The following STS variants were observed in gnomAD, a reference collection of about 807,000 sequenced individuals.
STS encodes the protein steroid sulfatase, also known as steryl-sulfatase.
STS carries 7 observed loss-of-function variants against 26.8 expected under a neutral mutation model. That is an observed-to-expected ratio of 0.26 (90% CI 0.15 to 0.49). The LOEUF is 0.49. Ranked by LOEUF, STS falls within the 20% of genes least tolerant of loss-of-function variation. The pLI, the probability that STS is intolerant of heterozygous loss-of-function variation, is 0.98. For synonymous variants in STS, 199 were observed against 189.4 expected, an observed-to-expected ratio of 1.05 and a Z score of -0.42; for missense variants, 434 against 465.6, an observed-to-expected ratio of 0.93 and a Z score of 0.63.
At chrX:7,323,226 T>C in intron 8 of STS, among the ~76,000 whole-genome samples, 1 of 104,121 alleles carries the variant, frequency 9.6e-6, no homozygotes, top group African/African-American at 3.5e-5. Context: ...AAACAACATG[T>C]TTTTTTTTTT....
chrX:7,305,012 C>T (rs780807042), intron 7 of STS, 34 bp from the exon 8 acceptor site: 2 of 1,206,711 alleles, frequency 1.7e-6, no homozygotes, highest in Non-Finnish European at 2.2e-6. Context: ...TATGAATATG[C>T]ATTATTTTTA....
intron 9 of STS, among the ~76,000 whole-genome samples, chrX:7,327,615 G>A (rs1188866396): frequency 1.8e-5 from 2 of 110,365 alleles, no homozygotes; most frequent in African/African-American, 6.6e-5. Flanking sequence ...GAAGTCTTGA[G>A]CTCAAGAAAT....
At chrX:7,157,863 G>C (rs1933166066) in intron 1 of STS, among the ~76,000 whole-genome samples, 2 of 111,144 alleles carry the variant, frequency 1.8e-5, no homozygotes, top group Non-Finnish European at 3.8e-5. Flanking sequence ...AATTATTCTG[G>C]GAAATATTTA....
chrX:7,242,591 C>A (rs1922675694), intron 2 of STS, among the ~76,000 whole-genome samples: 1 of 110,002 alleles, frequency 9.1e-6, no homozygotes, highest in South Asian at 4.0e-4. Context: ...AACAGTGAGA[C>A]CCTGTCTCAA....
At chrX:7,248,534 T>C (rs1040378913) in intron 2 of STS, among the ~76,000 whole-genome samples, 2 of 112,250 alleles carry the variant, frequency 1.8e-5, no homozygotes, top group South Asian at 3.7e-4. Context: ...GCTGAACAAG[T>C]ATACTGTGGT....
Position 7,259,496 on chromosome X carries a change from T to G in STS, c.530T>G (p.Phe177Cys). Reference sequence around the variant, plus strand: ...GAGGGCAGTGTCTTCACCACGGGCTTCAAGAGGCTGGTCTTCCTCCCCCTG... The same window carrying G: ...GAGGGCAGTGTCTTCACCACGGGCTGCAAGAGGCTGGTCTTCCTCCCCCTG... ...PGEGSVFTTGFKRLVFLPLQI... is the reference protein window; with the variant it reads ...PGEGSVFTTGCKRLVFLPLQI... The change falls in exon 6 of 11, where the codon TTC becomes TGC. Residue 177 changes from phenylalanine (F) to cysteine (C), a missense_variant. Phe to Cys is a radical substitution (Grantham distance 205). Transcript: ENST00000674429. The G allele has an allele frequency of 8.3e-7, 1 of 1,211,710 alleles. No homozygotes were observed. The highest frequency in any genetic ancestry group is 1.1e-6 in the Non-Finnish European group (1 of 895,432).
In STS at chrX:7,305,534, T is replaced by A. The variant is rs1404490798; in HGVS notation, c.1081+351T>A. ...CAAACTTATGGGCTTAAAACAAATTTATGAACTTACAGTTCTAGAAGTCAG... is the reference window on the plus strand; with the variant it reads ...CAAACTTATGGGCTTAAAACAAATTAATGAACTTACAGTTCTAGAAGTCAG... On this transcript the variant is annotated intron_variant, in intron 8 of 10. Coordinates refer to ENST00000674429, the MANE Select transcript of STS (RefSeq NM_001320752.2). Among the ~76,000 whole-genome samples the A allele has an allele frequency of 5.3e-5, 6 of 112,419 alleles. No individual in the cohort carries two copies. In the South Asian group the frequency reaches 2.2e-3, roughly 42 times the overall value.
chrX:7,266,184 TA>T (rs1375196765), intron 6 of STS, among the ~76,000 whole-genome samples: 4 of 111,692 alleles, frequency 3.6e-5, no homozygotes, highest in African/African-American at 9.8e-5. Flanking sequence ...CATATATATA[TA>T]TATTTGTACA....
At chrX:7,221,491 C>G (rs1424015129) in intron 2 of STS, among the ~76,000 whole-genome samples, 2 of 111,817 alleles carry the variant, frequency 1.8e-5, no homozygotes, top group African/African-American at 6.5e-5. Context: ...TAATTCTAAG[C>G]TAGATGGCTA....
At chrX:7,214,711 CCT>C (rs1426492959) in intron 2 of STS, among the ~76,000 whole-genome samples, 1 of 108,050 alleles carries the variant, frequency 9.3e-6, no homozygotes, top group Non-Finnish European at 1.9e-5. Flanking sequence ...ACCCTTTCCC[CCT>C]GAGTCCCCAA....
chrX:7,234,423 C>T (rs1196909911), intron 2 of STS, among the ~76,000 whole-genome samples: 1 of 112,190 alleles, frequency 8.9e-6, no homozygotes, highest in Non-Finnish European at 1.9e-5. Context: ...ACTCTGTTGC[C>T]GACATGCAAG....
intron 3 of STS, among the ~76,000 whole-genome samples, chrX:7,256,990 G>C (rs919221011): frequency 1.7e-4 from 19 of 111,894 alleles, no homozygotes; most frequent in African/African-American, 5.5e-4. Flanking sequence ...AGTGGCTCAC[G>C]CCTGTAATCC....
chrX:7,265,579 A>G (rs1393816418), intron 6 of STS, among the ~76,000 whole-genome samples: 4 of 112,013 alleles, frequency 3.6e-5, no homozygotes, highest in Non-Finnish European at 7.5e-5. Context: ...CAGATTTAAG[A>G]TGTTCTGGCA....
In STS at chrX:7,257,279, A is replaced by C. The variant is rs756997415; in HGVS notation, c.175A>C (p.Lys59Gln). 2.5e-6 allele frequency: 3 copies of C among 1,210,212 alleles called. No individual in the cohort carries two copies. The African/African-American group carries it at 5.2e-5, about 21-fold the overall frequency. Residue 59 changes from lysine (K) to glutamine (Q), a missense_variant, in exon 4 of 11, where the codon AAA (lysine) becomes CAA (glutamine). Physicochemically the swap from Lys to Gln is moderately conservative, Grantham distance 53. Coordinates refer to ENST00000674429, the MANE Select transcript of STS (RefSeq NM_001320752.2). The part of the protein sequence containing the change: ...NIDRLASGGV[K>Q]LTQHLAASPL... ...CGACCGGTTGGCCAGTGGGGGAGTG[A>C]AACTCACTCAGCACCTGGCAGCATC...
chrX:7,317,754 C>G (rs568685544), intron 8 of STS, among the ~76,000 whole-genome samples: 64 of 111,754 alleles, frequency 5.7e-4, no homozygotes, highest in Non-Finnish European at 1.0e-3. Flanking sequence ...CAGGTGTGAG[C>G]CACTGTGCCT....
At chrX:7,154,197 G>A (rs1933087105) in intron 1 of STS, among the ~76,000 whole-genome samples, 1 of 111,954 alleles carries the variant, frequency 8.9e-6, no homozygotes, top group Non-Finnish European at 1.9e-5. Flanking sequence ...TGGAATCACA[G>A]CTGGAGCTCA....
intron 6 of STS, 92 bp downstream of exon 6, chrX:7,259,864 T>C: frequency 9.2e-7 from 1 of 1,088,222 alleles, no homozygotes; most frequent in Non-Finnish European, 1.3e-6. Context: ...GTTTTGTTGT[T>C]GTTGTTGTTT....
intron 7 of STS, among the ~76,000 whole-genome samples, chrX:7,290,377 A>C (rs1925355040): frequency 9.0e-6 from 1 of 111,457 alleles, no homozygotes; most frequent in Admixed American, 9.6e-5. Context: ...TAATACTACT[A>C]CTAATAAAGT....
chrX:7,193,020 A>G (rs1237088595), intron 2 of STS, among the ~76,000 whole-genome samples: 1 of 112,539 alleles, frequency 8.9e-6, no homozygotes, highest in East Asian at 2.8e-4. Context: ...TTTGAGGGAT[A>G]TGAGTCAGAA....
Sources: gnomAD v4.1 joint callset for allele counts (sites outside exome capture counted in the v4.1 genomes callset) on GRCh38, gnomAD v4.1.1 for gene constraint, MANE v1.5 for transcripts, NCBI Gene and HGNC (gene_info 2026-07-23, HGNC 2026-07-21) for gene names.